Variants in ABI3BP observed in about 807,000 individuals in gnomAD.
ABI3BP encodes the protein ABI family member 3 binding protein.
ABI3BP carries 216 observed loss-of-function variants against 268.6 expected under a neutral mutation model. The ratio of observed to expected loss-of-function variants is 0.80; its 90% CI spans 0.72 to 0.90. The LOEUF (loss-of-function observed/expected upper bound fraction) is 0.90. Ranked by LOEUF, ABI3BP falls within the 40% of genes least tolerant of loss-of-function variation. The pLI is 0.00. For synonymous variants in ABI3BP, 730 were observed against 730.0 expected (o/e 1.00, Z 0.00); for missense variants, 2,090 against 2,182.4 (o/e 0.96, Z 0.84).
chr3:100,939,735 T>TTTGA (rs906416044), intron 1 of ABI3BP, among the ~76,000 whole-genome samples: 1 of 152,078 alleles, frequency 6.6e-6, no homozygotes, highest in African/African-American at 2.4e-5. Flanking sequence ...TGATAACATC[T>TTTGA]TATCAGGAGA....
At chr3:100,799,853 C>T (rs751738721) in intron 51 of ABI3BP, among the ~76,000 whole-genome samples, 2 of 152,120 alleles carry the variant, frequency 1.3e-5, no homozygotes, top group Non-Finnish European at 2.9e-5. Context: ...AAATCTCTGC[C>T]CCAAATCCTG....
chr3:100,850,154 C>A, intron 16 of ABI3BP, 35 bp from the exon 17 acceptor site: 1 of 1,575,518 alleles, frequency 6.3e-7, no homozygotes, highest in Non-Finnish European at 8.7e-7. Flanking sequence ...ATCAAATAAT[C>A]CCAGTTAAAA....
At chr3:100,867,562 AC>A (rs750761417) in intron 9 of ABI3BP, among the ~76,000 whole-genome samples, 2 of 138,986 alleles carry the variant, frequency 1.4e-5, no homozygotes, top group Non-Finnish European at 3.0e-5. Flanking sequence ...AATGGCGTGA[AC>A]CCGGGAGGTG....
intron 1 of ABI3BP, among the ~76,000 whole-genome samples, chr3:100,956,978 G>A (rs1195123840): frequency 1.3e-5 from 2 of 152,124 alleles, no homozygotes; most frequent in African/African-American, 2.4e-5. Flanking sequence ...GGACACTGAC[G>A]GAGTTTGGCT....
rs368774331 is a variant in ABI3BP, at chr3:100,907,794, T to C, written c.260-5108A>G. On this transcript the variant is annotated intron_variant, in intron 2 of 67. Transcript: ENST00000471714. ...AATACAATAATAAATTATTACCACA[T>C]ACAGTTTATCCCAGGAATGTAACAT... Among the ~76,000 whole-genome samples, 45 of 152,080 alleles carry C rather than the reference T, an allele frequency of 3.0e-4. 3 individuals carry two copies. In the East Asian group the frequency reaches 4.1e-3, roughly 14 times the overall value.
At chr3:100,798,743 T>G (rs2097432117) in intron 51 of ABI3BP, among the ~76,000 whole-genome samples, 1 of 152,164 alleles carries the variant, frequency 6.6e-6, no homozygotes, top group Non-Finnish European at 1.5e-5. Context: ...AGAAAATAAT[T>G]AATGTGTTTG....
chr3:100,774,815 A>C (rs2096654898), intron 60 of ABI3BP, 142 bp from the exon 61 acceptor site: 4 of 681,694 alleles, frequency 5.9e-6, no homozygotes, highest in Non-Finnish European at 9.6e-6. Context: ...ATACATATTC[A>C]TCCACAATAT....
At chr3:100,830,525 G>A in intron 32 of ABI3BP, 53 bp downstream of exon 32, 1 of 1,440,078 alleles carries the variant, frequency 6.9e-7, no homozygotes, top group Non-Finnish European at 9.4e-7. Flanking sequence ...GGTGATGAAT[G>A]GGTTTGAAAT....
chr3:100,813,513 G>C (rs73135512), intron 45 of ABI3BP, 148 bp downstream of exon 45: 89,103 of 550,358 alleles, frequency 0.16, 8,490 homozygotes, highest in South Asian at 0.26. Context: ...TAACAATATG[G>C]AATCACAAAA....
chr3:100,846,558 C>T, intron 19 of ABI3BP, 112 bp from the exon 20 acceptor site: 1 of 680,190 alleles, frequency 1.5e-6, no homozygotes, highest in Non-Finnish European at 2.4e-6. Flanking sequence ...GGAATGAACT[C>T]ATCGTCTTGG....
intron 1 of ABI3BP, among the ~76,000 whole-genome samples, chr3:100,967,149 T>A (rs1046830485): frequency 6.6e-6 from 1 of 152,162 alleles, no homozygotes. Context: ...TCTTGTTGGA[T>A]TCCTATCAAT....
rs117782432 is a variant in ABI3BP at position 100,756,450 on chromosome 3, G to T, written c.4851-1759C>A. Among the ~76,000 whole-genome samples, 53 of 152,198 alleles carry T rather than the reference G, an allele frequency of 3.5e-4. No homozygotes were observed. In the East Asian group the frequency reaches 6.9e-3, roughly 20 times the overall value. ...AGATTGTTGATACAAAAACACCTTTGTCACCTACAGAAATCACACACACAT... is the reference window on the plus strand; with the variant it reads ...AGATTGTTGATACAAAAACACCTTTTTCACCTACAGAAATCACACACACAT... On this transcript the variant is annotated intron_variant, in intron 63 of 67. Coordinates refer to ENST00000471714, the MANE Select transcript of ABI3BP (RefSeq NM_001375547.2).
intron 14 of ABI3BP, among the ~76,000 whole-genome samples, chr3:100,861,472 G>A (rs2153154554): frequency 6.6e-6 from 1 of 152,114 alleles, no homozygotes; most frequent in Middle Eastern, 3.4e-3. Flanking sequence ...ACAACTAGAA[G>A]ATTTACAAAA....
At chr3:100,980,146 A>G (rs2153947163) in intron 1 of ABI3BP, among the ~76,000 whole-genome samples, 1 of 152,372 alleles carries the variant, frequency 6.6e-6, no homozygotes, top group East Asian at 1.9e-4. Flanking sequence ...CAAAACCCTA[A>G]ACCATACTAC....
At chr3:100,912,411 G>A (rs188281101) in intron 2 of ABI3BP, among the ~76,000 whole-genome samples, 2 of 150,600 alleles carry the variant, frequency 1.3e-5, no homozygotes, top group African/African-American at 4.9e-5. Context: ...TTAGCAACTT[G>A]TTTCTTAGTT....
intron 26 of ABI3BP, 160 bp from the exon 27 acceptor site, chr3:100,837,331 T>C: frequency 2.0e-6 from 1 of 490,902 alleles, no homozygotes; most frequent in South Asian, 4.8e-5. Flanking sequence ...GAGATGCTTC[T>C]TAGCAAATTA....
At chr3:100,912,755 A>G (rs186283823) in intron 2 of ABI3BP, among the ~76,000 whole-genome samples, 3 of 152,324 alleles carry the variant, frequency 2.0e-5, no homozygotes, top group Admixed American at 2.0e-4. Context: ...GTATACCTGA[A>G]AAACACCCTT....
chr3:100,849,578 G>A (rs930953852), intron 17 of ABI3BP, among the ~76,000 whole-genome samples: 5 of 151,652 alleles, frequency 3.3e-5, no homozygotes, highest in African/African-American at 7.3e-5. Context: ...AATGAACTTC[G>A]CTATTTCAAT....
chr3:100,800,171 C>G (rs1175197917), intron 51 of ABI3BP, among the ~76,000 whole-genome samples: 1 of 151,502 alleles, frequency 6.6e-6, no homozygotes, highest in Non-Finnish European at 1.5e-5. Context: ...ACTTATCTTT[C>G]TAGATTGTTG....
Sources: gnomAD v4.1 joint callset for allele counts (sites outside exome capture counted in the v4.1 genomes callset) on GRCh38, gnomAD v4.1.1 for gene constraint, MANE v1.5 for transcripts, NCBI Gene and HGNC (gene_info 2026-07-23, HGNC 2026-07-21) for gene names.